The following HERC1 variants were observed in gnomAD, a reference collection of about 807,000 sequenced individuals.
HERC1 encodes probable E3 ubiquitin-protein ligase HERC1.
A neutral mutation model predicts 554.3 loss-of-function variants in HERC1; 160 were observed. The ratio of observed to expected loss-of-function variants is 0.29; its 90% CI spans 0.25 to 0.33. The LOEUF is 0.33. Among genes scored for constraint, HERC1 ranks in the 10% least tolerant of loss-of-function variants. The pLI is 1.00. For missense variants in HERC1, 4,919 were observed against 5,918.5 expected, an observed-to-expected ratio of 0.83 and a Z score of 5.54; for synonymous variants, 2,175 against 2,131.7, an observed-to-expected ratio of 1.02 and a Z score of -0.56.
At position 63,763,865 on chromosome 15, in the gene HERC1, C is replaced by G. The variant is rs7168823; in HGVS notation, c.1026+231G>C. 0.012 allele frequency among the ~76,000 whole-genome samples: 1,876 copies of G among 151,892 alleles called. 39 individuals carry two copies. The highest frequency in any genetic ancestry group is 0.044 in the African/African-American group (1,802 of 41,402). ...TACAACATTTTTTCAATTAAAGTTA[C>G]CAGCACATAATTCAAAAATCAAAAT... On this transcript the variant is annotated intron_variant, in intron 3 of 77. Transcript: ENST00000443617.
chr15:63,807,938 C>T (rs747790124), intron 1 of HERC1, among the ~76,000 whole-genome samples: 3 of 151,098 alleles, frequency 2.0e-5, no homozygotes, highest in Admixed American at 6.6e-5. Context: ...AATTATCTTT[C>T]TTATCTTGGA....
rs150627357 is a variant in HERC1, at chr15:63,649,451, A to G, written c.10747+274T>C. On this transcript the variant is annotated intron_variant, in intron 54 of 77. Transcript: ENST00000443617. Reference sequence around the variant, plus strand: ...TGGACAGTCCTAACTTTCAAAGGAGACTTGGAATCTGCTATAAATATTAAG... The same window carrying G: ...TGGACAGTCCTAACTTTCAAAGGAGGCTTGGAATCTGCTATAAATATTAAG... 4.6e-4 allele frequency among the ~76,000 whole-genome samples: 70 copies of G among 152,322 alleles called. 1 individual carries two copies. In the East Asian group the frequency reaches 0.013, roughly 27 times the overall value.
chr15:63,790,433 C>T (rs982927875), intron 1 of HERC1, among the ~76,000 whole-genome samples: 1 of 151,946 alleles, frequency 6.6e-6, no homozygotes, highest in African/African-American at 2.4e-5. Flanking sequence ...AAAAATTAGC[C>T]GGGGGTAGTG....
intron 1 of HERC1, among the ~76,000 whole-genome samples, chr15:63,807,541 A>G (rs2077173418): frequency 6.6e-6 from 1 of 151,946 alleles, no homozygotes; most frequent in South Asian, 2.1e-4. Context: ...ACATGACAAT[A>G]CTCTGCTGCT....
At chr15:63,789,801 A>AAAAT (rs10527229) in intron 1 of HERC1, among the ~76,000 whole-genome samples, 1,605 of 139,120 alleles carry the variant, frequency 0.012, 26 homozygotes, top group South Asian at 0.045. Context: ...GCCCTGTCTC[A>AAAAT]AAATAAATAA....
intron 43 of HERC1, among the ~76,000 whole-genome samples, chr15:63,663,723 G>C (rs1181009904): frequency 6.6e-6 from 1 of 152,080 alleles, no homozygotes; most frequent in African/African-American, 2.4e-5. Context: ...ACCTCCCAAA[G>C]TGCTGGGATT....
At chr15:63,656,405 C>A in intron 48 of HERC1, 47 bp from the exon 49 acceptor site, 1 of 1,536,054 alleles carries the variant, frequency 6.5e-7, no homozygotes, top group South Asian at 1.2e-5. Flanking sequence ...AAATGGATTT[C>A]TTAAGGGACC....
chr15:63,671,699 T>G (rs2070935558), intron 39 of HERC1, among the ~76,000 whole-genome samples: 1 of 152,170 alleles, frequency 6.6e-6, no homozygotes, highest in African/African-American at 2.4e-5. Flanking sequence ...CAGGTGGCCT[T>G]GGGCACACCA....
Position 63,622,043 on chromosome 15 carries a change from A to G in HERC1, c.13688+772T>C, listed in dbSNP as rs150998047. ...TTCCGTTGCTGGTGAGGAGCTGCGT[A>G]ATCATTCTGTTTTTAATTTACAAGT... On this transcript the variant is annotated intron_variant, in intron 74 of 77. Coordinates refer to ENST00000443617, the MANE Select transcript of HERC1 (RefSeq NM_003922.4). Among the ~76,000 whole-genome samples, 251 of 152,214 alleles carry G rather than the reference A, an allele frequency of 1.6e-3. 7 individuals carry two copies. The East Asian group carries it at 0.047, about 28-fold the overall frequency.
chr15:63,709,211 G>A (rs1172845499), intron 24 of HERC1, among the ~76,000 whole-genome samples: 1 of 151,520 alleles, frequency 6.6e-6, no homozygotes, highest in Non-Finnish European at 1.5e-5. Context: ...TTCCCAGGCT[G>A]GTCTTGAACT....
chr15:63,635,249 A>G (rs1009533127), intron 65 of HERC1, among the ~76,000 whole-genome samples: 4 of 151,990 alleles, frequency 2.6e-5, no homozygotes, highest in Non-Finnish European at 4.4e-5. Flanking sequence ...GGGTCTTGCT[A>G]TGTTGTCTAG....
At chr15:63,787,518 G>A (rs78922900) in intron 1 of HERC1, among the ~76,000 whole-genome samples, 1 of 152,072 alleles carries the variant, frequency 6.6e-6, no homozygotes, top group Non-Finnish European at 1.5e-5. Context: ...AATGAACTGA[G>A]GGTATGTTAC....
At chr15:63,789,808 A>ATAAATAAC (rs1236139685) in intron 1 of HERC1, among the ~76,000 whole-genome samples, 17 of 144,658 alleles carry the variant, frequency 1.2e-4, no homozygotes, top group Non-Finnish European at 2.5e-4. Flanking sequence ...CTCAAAATAA[A>ATAAATAAC]TAAATAAATA....
At chr15:63,669,240 G>T (rs774578252) in intron 40 of HERC1, among the ~76,000 whole-genome samples, 1 of 152,220 alleles carries the variant, frequency 6.6e-6, no homozygotes, top group African/African-American at 2.4e-5. Flanking sequence ...ATTTCAAAAT[G>T]TGTGGGTTGC....
In HERC1 at chr15:63,725,507, G is replaced by A; in HGVS notation, c.3353C>T (p.Pro1118Leu). 6.2e-7 allele frequency: 1 copy of A among 1,613,272 alleles called. No homozygotes were observed. Among genetic ancestry groups the A allele is most frequent in the Non-Finnish European group, 8.5e-7 (1 of 1,179,488 alleles). The change falls in exon 18 of 78, where the codon CCA becomes CTA. Residue 1118 changes from proline to leucine, a missense_variant. Coordinates refer to ENST00000443617, the MANE Select transcript of HERC1 (RefSeq NM_003922.4). ...CAGACCAGCAGGATCAATTAGTTCTGGCCCTCCTAAAGACAAAATCATTAG... is the reference window on the plus strand; with the variant it reads ...CAGACCAGCAGGATCAATTAGTTCTAGCCCTCCTAAAGACAAAATCATTAG... ...QELQWPLHGG[P>L]ELIDPAGLPL...
At chr15:63,617,910 T>G (rs1359761536) in intron 74 of HERC1, among the ~76,000 whole-genome samples, 1 of 152,194 alleles carries the variant, frequency 6.6e-6, no homozygotes, top group Non-Finnish European at 1.5e-5. Context: ...TATTAGCCCT[T>G]TGTCAGATGA....
At chr15:63,648,047 CG>C in intron 55 of HERC1, 21 bp downstream of exon 55, 16 of 1,540,996 alleles carry the variant, frequency 1.0e-5, no homozygotes, top group African/African-American at 1.4e-5. Flanking sequence ...CATAAAATTA[CG>C]TTTTTTAAAG....
intron 51 of HERC1, 132 bp downstream of exon 51, chr15:63,653,987 T>G (rs2069859339): frequency 3.0e-6 from 2 of 669,566 alleles, no homozygotes. Flanking sequence ...TGTAATTGTG[T>G]GCATGTGTAT....
chr15:63,669,676 T>A lies in HERC1; in HGVS notation c.8068A>T (p.Thr2690Ser). The change falls in exon 40 of 78, where the codon ACT becomes TCT. Residue 2690 changes from threonine (T) to serine (S), a missense_variant. By Grantham distance (58) the Thr-to-Ser change is moderately conservative. Around this residue, in one of 11 missense-constraint regions of HERC1, gnomAD observed 1,963 missense variants for 2,228.6 expected, o/e 0.88. Transcript: ENST00000443617. ...LLRQMFSSYPTTTVLPTRRAQ... is the reference protein window; with the variant it reads ...LLRQMFSSYPSTTVLPTRRAQ... ...CGACGTGTGGGAAGTACAGTGGTAG[T>A]TGGGTAACTAGAGAACATTTGCCTT... is the stretch of plus-strand genomic sequence containing the variant. 3 of 1,613,840 alleles carry A rather than the reference T, an allele frequency of 1.9e-6. No individual in the cohort carries two copies. The highest frequency in any genetic ancestry group is 1.1e-5 in the South Asian group (1 of 91,080).
Sources: gnomAD v4.1 joint callset for allele counts (sites outside exome capture counted in the v4.1 genomes callset) on GRCh38, gnomAD v4.1.1 for gene constraint, gnomAD v4.1.1 regional missense constraint, MANE v1.5 for transcripts, NCBI Gene and HGNC (gene_info 2026-07-23, HGNC 2026-07-21) for gene names.